MASP2: variants seen among roughly 807,000 people sequenced by gnomAD.
MASP2 encodes mannan-binding lectin serine protease 2.
A neutral mutation model predicts 57.1 loss-of-function variants in MASP2; 49 were observed. The observed-to-expected ratio is 0.86, with a 90% confidence interval of 0.68 to 1.09. MASP2 has a LOEUF of 1.09. Among genes scored for constraint, MASP2 ranks in the 50% least tolerant of loss-of-function variants. MASP2 has a pLI of 0.00. For missense variants in MASP2, 900 were observed against 874.8 expected (o/e 1.03, Z -0.36); for synonymous variants, 379 against 340.8 (o/e 1.11, Z -1.24).
intron 10 of MASP2, chr1:11,029,531 A>G (rs1047978569): frequency 6.6e-6 from 1 of 151,688 alleles, no homozygotes; most frequent in African/African-American, 2.4e-5. Flanking sequence ...GCTTGGGGAA[A>G]TTATTTGCTT....
chr1:11,030,157 G>T lies in MASP2; in HGVS notation c.1297+19C>A, dbSNP rs1368968828. On this transcript the variant is annotated intron_variant, in intron 10 of 10. Coordinates refer to ENST00000400897, the MANE Select transcript of MASP2 (RefSeq NM_006610.4). ...CCTTTCCATCAATTACCAGTCTCTT[G>T]TATAAATGTATCCATTACCAGGCTC... is the stretch of plus-strand genomic sequence containing the variant. 2 of 1,581,970 alleles carry T rather than the reference G, an allele frequency of 1.3e-6. No homozygotes were observed. The highest frequency in any genetic ancestry group is 1.7e-6 in the Non-Finnish European group (2 of 1,152,400).
chr1:11,046,623 A>G lies in MASP2; in HGVS notation c.345T>C (p.Ile115=), dbSNP rs533854455. The G allele has an allele frequency of 1.9e-5, 30 of 1,613,626 alleles. No homozygotes were observed. The highest frequency in any genetic ancestry group is 2.5e-5 in the Non-Finnish European group (30 of 1,180,036). Residue 115 remains isoleucine (I), a synonymous_variant, in exon 3 of 11, where the codon ATT becomes ATC. Transcript: ENST00000400897. ...CGTTGGAGTAGTCGGAGCGGAAGGT[A>G]ATGTCCAGGCTGGAGCCCAGCGAGT... The part of the protein sequence containing the change: ...TFYSLGSSLD[I]TFRSDYSNEK...
rs540424391 is a variant in MASP2 at position 11,047,190 on chromosome 1, G to A, written c.5+13C>T. 86 of 1,561,584 alleles carry A rather than the reference G, an allele frequency of 5.5e-5. 1 individual carries two copies. The South Asian group carries it at 8.2e-4, about 15-fold the overall frequency. ...CCCCACACCCTGCAGGGAGGCTGTG[G>A]GCGCCCACCTACCTCATGGTGTGCC... On this transcript the variant is annotated intron_variant, in intron 1 of 10. Coordinates refer to ENST00000400897, the MANE Select transcript of MASP2 (RefSeq NM_006610.4).
intron 6 of MASP2, among the ~76,000 whole-genome samples, chr1:11,039,949 A>C (rs1360408478): frequency 6.7e-6 from 1 of 148,456 alleles, no homozygotes; most frequent in African/African-American, 2.5e-5. Flanking sequence ...GAATGGCTGT[A>C]AGAATGGGCG....
intron 7 of MASP2, among the ~76,000 whole-genome samples, chr1:11,035,929 T>C (rs1643883082): frequency 7.0e-6 from 1 of 143,782 alleles, no homozygotes; most frequent in Non-Finnish European, 1.5e-5. Flanking sequence ...CAGAGGACTG[T>C]GGTGACAAGT....
intron 3 of MASP2, chr1:11,045,862 C>T: frequency 2.7e-6 from 1 of 371,712 alleles, no homozygotes; most frequent in Non-Finnish European, 5.0e-6. Context: ...GCAGCAGCTT[C>T]CTAAGGAGCA....
Position 11,030,753 on chromosome 1 carries a change from T to G in MASP2, c.1217A>C (p.Asn406Thr). The change falls in exon 9 of 11, where the codon AAT (asparagine) becomes ACT (threonine). Residue 406 changes from asparagine to threonine, a missense_variant. Coordinates refer to ENST00000400897, the MANE Select transcript of MASP2 (RefSeq NM_006610.4). The stretch of plus-strand genomic sequence containing the variant: ...ACTTTGAAGAATTTGCATACCATCA[T>G]TCACTTTCATTGTGTAGAAGGTCTC... ...CEETFYTMKV[N>T]DGKYVCEADG... The G allele has an allele frequency of 6.2e-7, 1 of 1,602,538 alleles. No individual in the cohort carries two copies. Among genetic ancestry groups the G allele is most frequent in the Non-Finnish European group, 8.5e-7 (1 of 1,176,302 alleles).
intron 4 of MASP2, chr1:11,045,002 C>T (rs766772513): frequency 1.0e-5 from 16 of 1,583,068 alleles, no homozygotes; most frequent in Middle Eastern, 1.7e-4. Flanking sequence ...AGGGAGAAAC[C>T]GAGTCGGGGG....
chr1:11,033,151 A>C (rs888347270), intron 8 of MASP2, among the ~76,000 whole-genome samples: 12 of 151,900 alleles, frequency 7.9e-5, no homozygotes, highest in African/African-American at 2.4e-4. Flanking sequence ...CAACATGGAG[A>C]AACCCCGTCT....
At chr1:11,028,924 A>G (rs1643791716) in intron 10 of MASP2, among the ~76,000 whole-genome samples, 1 of 150,534 alleles carries the variant, frequency 6.6e-6, no homozygotes, top group African/African-American at 2.4e-5. Flanking sequence ...CGTTTTAGCC[A>G]GACTGGTCTT....
chr1:11,043,225 TG>T, intron 5 of MASP2, 113 bp downstream of exon 5: 1 of 1,061,726 alleles, frequency 9.4e-7, no homozygotes, highest in Non-Finnish European at 1.4e-6. Context: ...CCTGAAGAGG[TG>T]GGGGTCACCG....
rs376802078 is a variant in MASP2 at position 11,046,966 on chromosome 1, G to A, written c.159C>T (p.Pro53=). ...QERRWTLTAP[P]GYRLRLYFTH... ...TGAAGTAGAGGCGCAGGCGGTAGCC[G>A]GGGGGTGCAGTCAGGGTCCAGCGCC... The change falls in exon 2 of 11, where the codon CCC becomes CCT. Residue 53 remains proline (P), a synonymous_variant. Coordinates refer to ENST00000400897, the MANE Select transcript of MASP2 (RefSeq NM_006610.4). The A allele has an allele frequency of 4.7e-5, 74 of 1,562,750 alleles. No individual in the cohort carries two copies. The highest frequency in any genetic ancestry group is 5.7e-5 in the Admixed American group (3 of 52,520).
intron 6 of MASP2, among the ~76,000 whole-genome samples, chr1:11,042,594 G>A (rs1192739714): frequency 6.6e-6 from 1 of 151,928 alleles, no homozygotes; most frequent in Non-Finnish European, 1.5e-5. Flanking sequence ...GGGACAGAAG[G>A]ATGAGTGGAC....
chr1:11,037,551 G>T, intron 7 of MASP2, 142 bp downstream of exon 7: 1 of 539,122 alleles, frequency 1.9e-6, no homozygotes, highest in Non-Finnish European at 3.2e-6. Context: ...TTATTTCTTG[G>T]CTTTTTATCA....
At chr1:11,038,453 C>A (rs910518641) in intron 6 of MASP2, among the ~76,000 whole-genome samples, 1 of 152,132 alleles carries the variant, frequency 6.6e-6, no homozygotes, top group African/African-American at 2.4e-5. Flanking sequence ...ATTTGGGGAG[C>A]CTCAGGCTTC....
Position 11,044,656 on chromosome 1 carries a change from G to A in MASP2, c.544+752C>T, listed in dbSNP as rs1570756068. 3.8e-5 allele frequency: 29 copies of A among 766,894 alleles called. No homozygotes were observed. The East Asian group carries it at 8.3e-4, about 22-fold the overall frequency. The allele number at this position is 766,894 out of a possible 1,614,324, so 47.5% of individuals were successfully genotyped here. On this transcript the variant is annotated intron_variant, in intron 4 of 10. Coordinates refer to ENST00000400897, the MANE Select transcript of MASP2 (RefSeq NM_006610.4). ...GCCTCAGTGCCCCATCTTCAAAACG[G>A]GGGGTGAGGCCAAGGAGCCTGTGGC...
chr1:11,033,175 A>G (rs1643865442), intron 8 of MASP2, among the ~76,000 whole-genome samples: 1 of 151,962 alleles, frequency 6.6e-6, no homozygotes, highest in Non-Finnish European at 1.5e-5. Context: ...CTAAAAATAC[A>G]AAATTAGCCG....
At chr1:11,037,591 A>AATTACAGGCGTGAGCTGCCGCGC (rs1557671554) in intron 7 of MASP2, 102 bp downstream of exon 7, 1 of 697,666 alleles carries the variant, frequency 1.4e-6, no homozygotes, top group African/African-American at 1.8e-5. Context: ...AATCATGCTG[A>AATTACAGGCGTGAGCTGCCGCGC]CACACGATTT....
chr1:11,043,593 A>C (rs1638532730), intron 4 of MASP2, 58 bp from the exon 5 acceptor site: 5 of 1,203,618 alleles, frequency 4.2e-6, no homozygotes, highest in Admixed American at 4.1e-5. Flanking sequence ...CCCTCGCACC[A>C]ACAGCAGGGT....
Sources: gnomAD v4.1 joint callset for allele counts (sites outside exome capture counted in the v4.1 genomes callset) on GRCh38, gnomAD v4.1.1 for gene constraint, MANE v1.5 for transcripts, NCBI Gene and HGNC (gene_info 2026-07-23, HGNC 2026-07-21) for gene names.